Variants in SEPTIN10 observed in about 807,000 individuals in gnomAD.
SEPTIN10 encodes the protein septin-10.
A neutral mutation model predicts 54.8 loss-of-function variants in SEPTIN10; 66 were observed. The observed-to-expected ratio is 1.21, with a 90% CI of 0.99 to 1.48. The LOEUF (loss-of-function observed/expected upper bound fraction) is 1.48, where lower values mean the gene tolerates loss of function less well. Among genes scored for constraint, SEPTIN10 ranks in the 40% most tolerant of loss-of-function variants. The pLI is 0.00. For synonymous variants in SEPTIN10, 161 were observed against 181.0 expected, an observed-to-expected ratio of 0.89 and a Z score of 0.89; for missense variants, 620 against 545.6, an observed-to-expected ratio of 1.14 and a Z score of -1.36.
chr2:109,545,652 A>C lies in SEPTIN10; in HGVS notation c.1349+398T>G, dbSNP rs902235047. On this transcript the variant is annotated intron_variant, in intron 10 of 10. Coordinates refer to ENST00000397712, the MANE Select transcript of SEPTIN10 (RefSeq NM_144710.5). ...ACTATCTTATGTCTATAATTCCCCA[A>C]CAAAGGGCACAGCTTTATTTAGACA... is the stretch of plus-strand genomic sequence containing the variant. 4.0e-6 allele frequency: 6 copies of C among 1,494,092 alleles called. No individual in the cohort carries two copies. In the African/African-American group the frequency reaches 7.0e-5, roughly 17 times the overall value. 92.6% of individuals were successfully genotyped at this position (1,494,092 alleles called of 1,614,324 possible).
chr2:109,545,009 A>G (rs940981848), intron 10 of SEPTIN10: 1 of 985,470 alleles, frequency 1.0e-6, no homozygotes, highest in Non-Finnish European at 1.2e-6. Flanking sequence ...TTACTTCTCC[A>G]TATTTAAAAA....
chr2:109,595,444 C>A (rs548589786), intron 1 of SEPTIN10, among the ~76,000 whole-genome samples: 43 of 152,318 alleles, frequency 2.8e-4, no homozygotes, highest in African/African-American at 9.9e-4. Context: ...AAAGGCCCCC[C>A]AGTCCCAGTC....
At chr2:109,568,492 C>T (rs1687607128) in intron 5 of SEPTIN10, among the ~76,000 whole-genome samples, 1 of 151,910 alleles carries the variant, frequency 6.6e-6, no homozygotes, top group African/African-American at 2.4e-5. Context: ...TTCCCTCAAC[C>T]TCCCAAGTAG....
chr2:109,594,468 G>T (rs535944058), intron 1 of SEPTIN10, among the ~76,000 whole-genome samples: 5 of 150,966 alleles, frequency 3.3e-5, no homozygotes, highest in Non-Finnish European at 7.4e-5. Context: ...CTGCACTGTG[G>T]TTTTTTTTTG....
intron 1 of SEPTIN10, among the ~76,000 whole-genome samples, chr2:109,599,208 A>C (rs567834933): frequency 2.1e-4 from 32 of 152,302 alleles, no homozygotes; most frequent in African/African-American, 7.5e-4. Flanking sequence ...CTGTAACCCC[A>C]GCACTCTGGG....
intron 1 of SEPTIN10, among the ~76,000 whole-genome samples, chr2:109,606,108 G>T (rs1002572899): frequency 3.7e-4 from 57 of 152,208 alleles, no homozygotes; most frequent in Admixed American, 3.7e-3. Flanking sequence ...CAGCTCATGG[G>T]CTGGGAGAAT....
At chr2:109,557,851 CTTT>C (rs202104089) in intron 8 of SEPTIN10, among the ~76,000 whole-genome samples, 1 of 140,770 alleles carries the variant, frequency 7.1e-6, no homozygotes. Context: ...TCATAATTTT[CTTT>C]TTTTTTTTTT....
At chr2:109,613,382 G>C (rs1243512207) in intron 1 of SEPTIN10, 1 of 327,704 alleles carries the variant, frequency 3.1e-6, no homozygotes, top group Non-Finnish European at 6.0e-6. Context: ...AGGGGAGCCG[G>C]GCTTTCTCCC....
chr2:109,592,232 A>C (rs1694232346), intron 2 of SEPTIN10, among the ~76,000 whole-genome samples: 2 of 151,964 alleles, frequency 1.3e-5, no homozygotes, highest in Admixed American at 6.6e-5. Context: ...TGGGAGGCTG[A>C]GGGAGGCAAA....
chr2:109,558,678 C>T (rs190635271), intron 8 of SEPTIN10, among the ~76,000 whole-genome samples: 10 of 152,250 alleles, frequency 6.6e-5, no homozygotes, highest in Admixed American at 6.5e-4. Context: ...TCAGCATACC[C>T]ATTCAATAAA....
At chr2:109,611,949 T>A (rs753465702) in intron 1 of SEPTIN10, among the ~76,000 whole-genome samples, 2 of 152,188 alleles carry the variant, frequency 1.3e-5, no homozygotes, top group Non-Finnish European at 2.9e-5. Flanking sequence ...AGCATGCAAC[T>A]ACCATATGAC....
intron 4 of SEPTIN10, among the ~76,000 whole-genome samples, chr2:109,581,556 T>C (rs1490736810): frequency 1.3e-5 from 2 of 151,162 alleles, no homozygotes; most frequent in Non-Finnish European, 1.5e-5. Flanking sequence ...TTCAGAGCAG[T>C]GGCTCCTCTG....
chr2:109,608,951 GTCCT>G (rs1698612657), intron 1 of SEPTIN10, among the ~76,000 whole-genome samples: 1 of 152,148 alleles, frequency 6.6e-6, no homozygotes, highest in African/African-American at 2.4e-5. Flanking sequence ...GAAAGCAAGG[GTCCT>G]GTATGTATTC....
At chr2:109,544,449 C>A (rs1680661832) in intron 10 of SEPTIN10, 125 bp from the exon 11 acceptor site, 11 of 1,390,774 alleles carry the variant, frequency 7.9e-6, no homozygotes, top group African/African-American at 5.9e-5. Flanking sequence ...AAAGAAAAAA[C>A]CAAAAACACC....
chr2:109,575,050 G>T (rs762256626), intron 4 of SEPTIN10, among the ~76,000 whole-genome samples: 1 of 152,182 alleles, frequency 6.6e-6, no homozygotes, highest in Non-Finnish European at 1.5e-5. Flanking sequence ...TCATAAAGTT[G>T]AGAAATCCTA....
intron 8 of SEPTIN10, among the ~76,000 whole-genome samples, chr2:109,555,871 CTG>C (rs992865199): frequency 7.9e-5 from 12 of 152,308 alleles, no homozygotes; most frequent in African/African-American, 2.6e-4. Flanking sequence ...GTTTTCATTT[CTG>C]TGTTCATCCT....
At chr2:109,544,660 A>G (rs1239321878) in intron 10 of SEPTIN10, 1 of 912,098 alleles carries the variant, frequency 1.1e-6, no homozygotes. Flanking sequence ...AAAGGAAAAA[A>G]GGTATTAATA....
At chr2:109,568,550 T>C (rs1687617053) in intron 5 of SEPTIN10, among the ~76,000 whole-genome samples, 1 of 152,156 alleles carries the variant, frequency 6.6e-6, no homozygotes, top group Admixed American at 6.6e-5. Context: ...GCAGAACTCT[T>C]GTAAGATTAA....
intron 1 of SEPTIN10, among the ~76,000 whole-genome samples, chr2:109,600,456 T>A (rs1489406763): frequency 6.6e-6 from 1 of 152,008 alleles, no homozygotes; most frequent in Non-Finnish European, 1.5e-5. Flanking sequence ...TAGAATATAA[T>A]TCCTGTTCCA....
Sources: allele counts gnomAD v4.1 joint callset (sites outside exome capture counted in the v4.1 genomes callset), GRCh38; gene constraint gnomAD v4.1.1; transcripts MANE v1.5; gene names NCBI Gene and HGNC (gene_info 2026-07-23, HGNC 2026-07-21).